The following TDRD6 variants were observed in gnomAD, a reference collection of about 807,000 sequenced individuals.
TDRD6 encodes tudor domain containing 6, also known as tudor domain-containing protein 6.
In TDRD6, 186 loss-of-function variants were observed where a neutral mutation model predicts 157.5. The observed-to-expected ratio is 1.18, with a 90% CI of 1.05 to 1.33. The LOEUF is 1.33. Ranked by LOEUF, TDRD6 falls within the 40% of genes most tolerant of loss-of-function variation. The pLI is 0.00. For missense variants in TDRD6, 3,066 were observed against 2,508.0 expected (o/e 1.22, Z -4.75); for synonymous variants, 1,075 against 945.2 (o/e 1.14, Z -2.52).
In TDRD6 at chr6:46,703,612, GAAATA is replaced by G. The variant is rs930299507; in HGVS notation, c.*1730_*1734del. On this transcript the variant is annotated 3_prime_UTR_variant, in exon 4 of 4. Transcript: ENST00000316081. ...TGGTATAAATTTTTATGTCCCCTGG[GAAATA>G]AAATCATTTTCCATGATTCCCATAT... 4 of 151,952 alleles carry G rather than the reference GAAATA, an allele frequency of 2.6e-5. No individual in the cohort carries two copies. The highest frequency in any genetic ancestry group is 7.2e-5 in the African/African-American group (3 of 41,404). 9.4% of individuals were successfully genotyped at this position (151,952 alleles called of 1,614,324 possible). A position where few individuals can be genotyped will look rare whatever the true frequency, so the allele number is the denominator to read the frequency against.
chr6:46,682,435 A>G, the TDRD6 span, among the ~76,000 whole-genome samples: 1 of 152,128 alleles, frequency 6.6e-6, no homozygotes, highest in South Asian at 2.1e-4. Context: ...GAACAAGGCA[A>G]TATCAATTCT....
Position 46,693,671 on chromosome 6 carries a change from T to C in TDRD6, c.5543T>C (p.Phe1848Ser). ...TCTCCTGATGATGAATCAAAAGAAT[T>C]CTTAGAACTGGAATCTATTGAGTTA... Reference protein sequence around the residue: ...PLSPDDESKEFLELESIELQN... With the variant: ...PLSPDDESKESLELESIELQN... The change falls in exon 1 of 4, where the codon TTC (phenylalanine) becomes TCC (serine). Residue 1848 changes from phenylalanine (F) to serine (S), a missense_variant. Phe to Ser is a radical substitution (Grantham distance 155, BLOSUM62 -2). Transcript: ENST00000316081. The C allele has an allele frequency of 6.2e-7, 1 of 1,614,168 alleles. No homozygotes were observed. The highest frequency in any genetic ancestry group is 1.1e-5 in the South Asian group (1 of 91,080).
At position 46,693,666 on chromosome 6, in the gene TDRD6, A is replaced by C. The variant is rs1764412530; in HGVS notation, c.5538A>C (p.Lys1846Asn). ...CGCTTTCTCCTGATGATGAATCAAA[A>C]GAATTCTTAGAACTGGAATCTATTG... ...EVPLSPDDES[K>N]EFLELESIEL... The change falls in exon 1 of 4, where the codon AAA (lysine) becomes AAC (asparagine). Residue 1846 changes from lysine (K) to asparagine (N), a missense_variant. Transcript: ENST00000316081. 6.2e-7 allele frequency: 1 copy of C among 1,614,218 alleles called. No homozygotes were observed. Among genetic ancestry groups the C allele is most frequent in the East Asian group, 2.2e-5 (1 of 44,884 alleles).
In TDRD6 at chr6:46,692,901, T is replaced by C. The variant is rs1253475721; in HGVS notation, c.4773T>C (p.Asn1591=). 1 of 1,614,142 alleles carries C rather than the reference T, an allele frequency of 6.2e-7. No homozygotes were observed. Among genetic ancestry groups the C allele is most frequent in the African/African-American group, 1.3e-5 (1 of 75,042 alleles). ...DGHYYRALIT[N]ICEDYLVSVR... ...ATTATTATAGGGCACTTATCACTAA[T>C]ATTTGTGAAGATTATCTTGTATCTG... The change falls in exon 1 of 4, where the codon AAT becomes AAC. Residue 1591 remains asparagine, a synonymous_variant. Transcript: ENST00000316081.
At position 46,702,106 on chromosome 6, in the gene TDRD6, C is replaced by T. The variant is rs896646448; in HGVS notation, c.*219C>T. 1.3e-5 allele frequency: 5 copies of T among 391,202 alleles called. No homozygotes were observed. Among genetic ancestry groups the T allele is most frequent in the Non-Finnish European group, 4.6e-6 (1 of 218,612 alleles). 24.2% of individuals were successfully genotyped at this position (391,202 alleles called of 1,614,324 possible). A position where few individuals can be genotyped will look rare whatever the true frequency, so the allele number is the denominator to read the frequency against. ...TTATATATACAGATCTGGGATCTTT[C>T]GTCTTTATTGTCTTACGTTTCTAAT... On this transcript the variant is annotated 3_prime_UTR_variant, in exon 4 of 4. Transcript: ENST00000316081.
At chr6:46,694,834 C>T (rs1764452809) in intron 1 of TDRD6, among the ~76,000 whole-genome samples, 1 of 152,042 alleles carries the variant, frequency 6.6e-6, no homozygotes, top group South Asian at 2.1e-4. Context: ...ATTTATGGCA[C>T]TACTACAGGC....
intron 2 of TDRD6, 121 bp downstream of exon 2, chr6:46,696,066 A>G (rs1323850240): frequency 8.2e-6 from 9 of 1,096,290 alleles, no homozygotes; most frequent in East Asian, 5.0e-5. Context: ...GTTCCCCCTG[A>G]TAACTTGATG....
chr6:46,691,043 T>C lies in TDRD6; in HGVS notation c.2915T>C (p.Leu972Pro). 1 of 1,613,724 alleles carries C rather than the reference T, an allele frequency of 6.2e-7. No homozygotes were observed. The highest frequency in any genetic ancestry group is 8.5e-7 in the Non-Finnish European group (1 of 1,179,850). ...LQKPLESSVQ[L>P]HSYFYSTHDM... Reference sequence around the variant, plus strand: ...AAGCCTTTGGAGTCCTCTGTTCAGCTACATTCCTACTTCTATTCTACACAT... The same window carrying C: ...AAGCCTTTGGAGTCCTCTGTTCAGCCACATTCCTACTTCTATTCTACACAT... Residue 972 changes from leucine to proline, a missense_variant, in exon 1 of 4, where the codon CTA becomes CCA. Coordinates refer to ENST00000316081, the MANE Select transcript of TDRD6 (RefSeq NM_001010870.3).
In TDRD6 at chr6:46,692,458, G is replaced by A. The variant is rs139292044; in HGVS notation, c.4330G>A (p.Glu1444Lys). 1.2e-4 allele frequency: 191 copies of A among 1,613,934 alleles called. 1 individual carries two copies. The highest frequency in any genetic ancestry group is 6.7e-4 in the South Asian group (61 of 91,072). The change falls in exon 1 of 4, where the codon GAG becomes AAG. Residue 1444 changes from glutamate (E) to lysine (K), a missense_variant. Coordinates refer to ENST00000316081, the MANE Select transcript of TDRD6 (RefSeq NM_001010870.3). ...GCATTACTTTTCCCAACGGACCAGC[G>A]AGGCTGCAATAAGATGTGAATTTGT... ...MMHYFSQRTS[E>K]AAIRCEFVKF...
chr6:46,692,806 G>A lies in TDRD6; in HGVS notation c.4678G>A (p.Asp1560Asn). Residue 1560 changes from aspartate (D) to asparagine (N), a missense_variant, in exon 1 of 4, where the codon GAC (aspartate) becomes AAC (asparagine). Physicochemically the swap from Asp to Asn is conservative, Grantham distance 23 (BLOSUM62 1). Coordinates refer to ENST00000316081, the MANE Select transcript of TDRD6 (RefSeq NM_001010870.3). ...EVQTAGEQVA[D>N]RRNCIPCPYI... The stretch of plus-strand genomic sequence containing the variant: ...ACAGACTGCTGGAGAACAGGTAGCA[G>A]ACAGGAGAAATTGTATCCCATGTCC... 1 of 1,614,100 alleles carries A rather than the reference G, an allele frequency of 6.2e-7. No individual in the cohort carries two copies. Among genetic ancestry groups the A allele is most frequent in the Non-Finnish European group, 8.5e-7 (1 of 1,180,004 alleles).
intron 3 of TDRD6, chr6:46,701,159 T>C (rs1301212585): frequency 1.6e-5 from 4 of 246,230 alleles, no homozygotes; most frequent in Non-Finnish European, 3.4e-5. Flanking sequence ...AAATGGTTTA[T>C]CAATTTCTTT....
Position 46,690,721 on chromosome 6 carries a change from A to G in TDRD6, c.2593A>G (p.Ile865Val), listed in dbSNP as rs750502297. 2 of 1,614,018 alleles carry G rather than the reference A, an allele frequency of 1.2e-6. No individual in the cohort carries two copies. The highest frequency in any genetic ancestry group is 2.7e-5 in the African/African-American group (2 of 74,926). The change falls in exon 1 of 4, where the codon ATT (isoleucine) becomes GTT (valine). Residue 865 changes from isoleucine to valine, a missense_variant. Transcript: ENST00000316081. ...CAGAGAAATGGTATCTGTGAAGAAT[A>G]TTTATTCAATTAGTGAAGAATTTCT... ...GDREMVSVKN[I>V]YSISEEFLKV...
In TDRD6 at chr6:46,693,155, A is replaced by C; in HGVS notation, c.5027A>C (p.Asp1676Ala). The stretch of plus-strand genomic sequence containing the variant: ...CTAGAAATCAGAAGGGATGTTTGTG[A>C]TATCCCTTTAGCAATTGTTGACTTG... The part of the protein sequence containing the change: ...TILEIRRDVC[D>A]IPLAIVDLKS... Residue 1676 changes from aspartate (D) to alanine (A), a missense_variant, in exon 1 of 4, where the codon GAT becomes GCT. Physicochemically the swap from Asp to Ala is moderately radical, Grantham distance 126. Transcript: ENST00000316081. The C allele has an allele frequency of 6.2e-7, 1 of 1,610,682 alleles. No individual in the cohort carries two copies. The highest frequency in any genetic ancestry group is 1.7e-5 in the Admixed American group (1 of 59,310).
chr6:46,697,957 TTTGAA>T (rs775837410), intron 2 of TDRD6, 36 bp from the exon 3 acceptor site: 4 of 1,189,102 alleles, frequency 3.4e-6, no homozygotes, highest in Non-Finnish European at 4.8e-6. Flanking sequence ...CAGTTATTTT[TTTGAA>T]TTGGACACTT....
chr6:46,682,940 C>T (rs1262563747), upstream of TDRD6, among the ~76,000 whole-genome samples: 1 of 151,864 alleles, frequency 6.6e-6, no homozygotes. Flanking sequence ...AATAAAACCC[C>T]AGCAGCCTTC....
Position 46,692,989 on chromosome 6 carries a change from C to G in TDRD6, c.4861C>G (p.Pro1621Ala), listed in dbSNP as rs765878579. ...GGACCCAAAAGCACTCTGGGCCATT[C>G]CTTCTGAACTTCTGTCGGTTCCCAT... ...CVDPKALWAIPSELLSVPMQA... is the reference protein window; with the variant it reads ...CVDPKALWAIASELLSVPMQA... The change falls in exon 1 of 4, where the codon CCT (proline) becomes GCT (alanine). Residue 1621 changes from proline to alanine, a missense_variant. Physicochemically the swap from Pro to Ala is conservative, Grantham distance 27 (BLOSUM62 -1). Coordinates refer to ENST00000316081, the MANE Select transcript of TDRD6 (RefSeq NM_001010870.3). 6.2e-7 allele frequency: 1 copy of G among 1,612,160 alleles called. No homozygotes were observed. Among genetic ancestry groups the G allele is most frequent in the South Asian group, 1.1e-5 (1 of 90,826 alleles).
At chr6:46,682,960 T>G (rs1763998763), upstream of TDRD6, among the ~76,000 whole-genome samples, 1 of 151,978 alleles carries the variant, frequency 6.6e-6, no homozygotes, top group Non-Finnish European at 1.5e-5. Flanking sequence ...CAAATTTTTT[T>G]GCAGAAGTTG....
Position 46,690,754 on chromosome 6 carries a change from A to G in TDRD6, c.2626A>G (p.Lys876Glu), listed in dbSNP as rs1263520897. The G allele has an allele frequency of 1.2e-6, 2 of 1,614,160 alleles. No individual in the cohort carries two copies. Among genetic ancestry groups the G allele is most frequent in the African/African-American group, 1.3e-5 (1 of 75,052 alleles). Residue 876 changes from lysine (K) to glutamate (E), a missense_variant, in exon 1 of 4, where the codon AAG becomes GAG. Coordinates refer to ENST00000316081, the MANE Select transcript of TDRD6 (RefSeq NM_001010870.3). The stretch of plus-strand genomic sequence containing the variant: ...AATTAGTGAAGAATTTCTGAAGGTT[A>G]AGGCACAGGCTTTTAGGTGCAGTCT... ...YSISEEFLKV[K>E]AQAFRCSLYN...
Position 46,690,469 on chromosome 6 carries a change from G to T in TDRD6, c.2341G>T (p.Val781Phe). The T allele has an allele frequency of 6.2e-7, 1 of 1,614,114 alleles. No individual in the cohort carries two copies. Among genetic ancestry groups the T allele is most frequent in the African/African-American group, 1.3e-5 (1 of 75,058 alleles). The part of the protein sequence containing the change: ...GSTVEVRVSY[V>F]ENPGYFWCQL... ...TACAGTAGAAGTCAGAGTGTCTTAT[G>T]TTGAAAACCCTGGCTATTTCTGGTG... Residue 781 changes from valine to phenylalanine, a missense_variant, in exon 1 of 4, where the codon GTT becomes TTT. Val to Phe is a conservative substitution (Grantham distance 50). Transcript: ENST00000316081.
Sources: allele counts gnomAD v4.1 joint callset (sites outside exome capture counted in the v4.1 genomes callset), GRCh38; gene constraint gnomAD v4.1.1; transcripts MANE v1.5; gene names NCBI Gene and HGNC (gene_info 2026-07-23, HGNC 2026-07-21).